NBAS: variants seen among roughly 807,000 people sequenced by gnomAD.
The protein encoded by NBAS is NAG/BC035112 fusion.
In NBAS, 219 loss-of-function variants were observed where a neutral mutation model predicts 302.5. The ratio of observed to expected loss-of-function variants is 0.72; its 90% CI spans 0.65 to 0.81. The LOEUF (loss-of-function observed/expected upper bound fraction) is 0.81, where lower values mean the gene tolerates loss of function less well. Among genes scored for constraint, NBAS ranks in the 30% least tolerant of loss-of-function variants. The pLI, the probability that NBAS is intolerant of heterozygous loss-of-function variation, is 0.00. For synonymous variants in NBAS, 1,118 were observed against 1,021.6 expected, an observed-to-expected ratio of 1.09 and a Z score of -1.80; for missense variants, 2,932 against 2,841.6, an observed-to-expected ratio of 1.03 and a Z score of -0.72.
the NBAS span, among the ~76,000 whole-genome samples, chr2:14,987,472 AATAT>A: frequency 0.061 from 9,137 of 149,132 alleles, 684 homozygotes; most frequent in African/African-American, 0.17. Context: ...TCTTATGACA[AATAT>A]ATATATATAT....
At chr2:15,203,133 C>T (rs1028424596) in intron 48 of NBAS, among the ~76,000 whole-genome samples, 1 of 152,060 alleles carries the variant, frequency 6.6e-6, no homozygotes, top group Non-Finnish European at 1.5e-5. Context: ...ACATAATATA[C>T]CATACAGACA....
At chr2:15,308,899 T>C (rs553357071) in intron 39 of NBAS, among the ~76,000 whole-genome samples, 1 of 152,318 alleles carries the variant, frequency 6.6e-6, no homozygotes, top group East Asian at 1.9e-4. Context: ...AAGATAGCAT[T>C]GGGAGATATA....
chr2:15,321,450 G>C (rs1671800754), intron 38 of NBAS, among the ~76,000 whole-genome samples: 1 of 152,142 alleles, frequency 6.6e-6, no homozygotes, highest in Admixed American at 6.5e-5. Context: ...CCATTGGAGT[G>C]AACAGGCAAC....
chr2:15,231,643 A>G (rs1667387385), intron 47 of NBAS, among the ~76,000 whole-genome samples: 1 of 152,232 alleles, frequency 6.6e-6, no homozygotes, highest in Non-Finnish European at 1.5e-5. Flanking sequence ...AAGTTTATAC[A>G]TTTAAATTGA....
chr2:15,352,678 G>A (rs1219113149), intron 34 of NBAS, among the ~76,000 whole-genome samples: 6 of 152,042 alleles, frequency 3.9e-5, no homozygotes, highest in East Asian at 1.9e-4. Context: ...TACAGGAGTC[G>A]TATGCATGTT....
At chr2:14,807,863 C>T in the NBAS span, among the ~76,000 whole-genome samples, 16 of 152,102 alleles carry the variant, frequency 1.1e-4, no homozygotes, top group Admixed American at 1.0e-3. Flanking sequence ...AAGCATTGGG[C>T]ACACAGTAGA....
At chr2:15,093,006 C>T in the NBAS span, among the ~76,000 whole-genome samples, 1 of 152,150 alleles carries the variant, frequency 6.6e-6, no homozygotes, top group Non-Finnish European at 1.5e-5. Flanking sequence ...TACTTAAACC[C>T]TGCAGGGTGT....
At chr2:15,178,026 T>A in intron 51 of NBAS, 1 of 369,066 alleles carries the variant, frequency 2.7e-6, no homozygotes, top group East Asian at 7.4e-5. Context: ...TTTACAGAAT[T>A]TTCTGTATCC....
At chr2:15,377,682 G>A (rs1674813920) in intron 30 of NBAS, among the ~76,000 whole-genome samples, 1 of 152,116 alleles carries the variant, frequency 6.6e-6, no homozygotes, top group Non-Finnish European at 1.5e-5. Context: ...ATGAAAAGGT[G>A]TACTAAATGC....
chr2:15,316,858 T>C (rs147165293), intron 38 of NBAS, among the ~76,000 whole-genome samples: 27 of 152,220 alleles, frequency 1.8e-4, no homozygotes, highest in African/African-American at 6.5e-4. Flanking sequence ...GTCTGACAGC[T>C]CTGAAGAGAG....
chr2:15,396,399 G>GT lies in NBAS; in HGVS notation c.3134+13dup. ...ATAAGCATGGAGAAAAAAAAAAACT[G>GT]TCATTTTTCTCACCTGAGAATTTGT... On this transcript the variant is annotated intron_variant, in intron 27 of 51. Transcript: ENST00000281513. 4.4e-6 allele frequency: 7 copies of GT among 1,588,690 alleles called. No individual in the cohort carries two copies. Among genetic ancestry groups the GT allele is most frequent in the African/African-American group, 1.4e-5 (1 of 73,618 alleles).
the NBAS span, among the ~76,000 whole-genome samples, chr2:14,955,611 C>A: frequency 1.3e-5 from 2 of 152,234 alleles, no homozygotes; most frequent in Non-Finnish European, 2.9e-5. Flanking sequence ...GGTTCCCCAA[C>A]CTCAATTCTT....
intron 35 of NBAS, among the ~76,000 whole-genome samples, chr2:15,341,178 G>T (rs1672832455): frequency 6.6e-6 from 1 of 152,222 alleles, no homozygotes; most frequent in Non-Finnish European, 1.5e-5. Context: ...TTGAGGCCAA[G>T]AGTTCAAGAC....
At chr2:15,390,292 T>C (rs1675525651) in intron 28 of NBAS, among the ~76,000 whole-genome samples, 1 of 152,150 alleles carries the variant, frequency 6.6e-6, no homozygotes. Context: ...TGCAAGTAAA[T>C]TAACCATGTC....
the NBAS span, among the ~76,000 whole-genome samples, chr2:15,132,194 G>A: frequency 6.6e-6 from 1 of 152,208 alleles, no homozygotes; most frequent in Non-Finnish European, 1.5e-5. Flanking sequence ...TTCAGTAGGT[G>A]AATGGATAAA....
chr2:15,150,407 C>T, the NBAS span, among the ~76,000 whole-genome samples: 1 of 152,144 alleles, frequency 6.6e-6, no homozygotes. Context: ...TTAAGATATG[C>T]AATTTGAGAA....
At chr2:14,848,290 C>A in the NBAS span, among the ~76,000 whole-genome samples, 44,374 of 141,770 alleles carry the variant, frequency 0.31, 7,251 homozygotes, top group East Asian at 0.4. Flanking sequence ...CAGGGAGTTC[C>A]CTTTCCGAGT....
intron 42 of NBAS, 76 bp from the exon 43 acceptor site, chr2:15,277,177 G>A (rs1669625151): frequency 6.5e-7 from 1 of 1,543,712 alleles, no homozygotes; most frequent in Non-Finnish European, 8.8e-7. Context: ...AACCAAGGAA[G>A]AAACACTACT....
chr2:15,140,927 C>T, the NBAS span, among the ~76,000 whole-genome samples: 1 of 152,208 alleles, frequency 6.6e-6, no homozygotes, highest in Non-Finnish European at 1.5e-5. Flanking sequence ...GCAAGCCAGG[C>T]TTATCCCCAT....
Sources: allele counts gnomAD v4.1 joint callset (sites outside exome capture counted in the v4.1 genomes callset), GRCh38; gene constraint gnomAD v4.1.1; transcripts MANE v1.5; gene names NCBI Gene and HGNC (gene_info 2026-07-23, HGNC 2026-07-21).